Variants in ANKDD1B observed in about 807,000 individuals in gnomAD.
The protein encoded by ANKDD1B is ankyrin repeat and death domain containing 1B.
In ANKDD1B, 57 loss-of-function variants were observed where a neutral mutation model predicts 59.7. That is an observed-to-expected ratio of 0.95 (90% CI 0.77 to 1.19). ANKDD1B has a LOEUF of 1.19. Among genes scored for constraint, ANKDD1B ranks in the 50% most tolerant of loss-of-function variants. The pLI, the probability that ANKDD1B is intolerant of heterozygous loss-of-function variation, is 0.00. For synonymous variants in ANKDD1B, 216 were observed against 239.5 expected (o/e 0.90, Z 0.91); for missense variants, 602 against 641.9 (o/e 0.94, Z 0.67).
chr5:75,615,738 A>G (rs1773700818), intron 1 of ANKDD1B, among the ~76,000 whole-genome samples: 1 of 151,442 alleles, frequency 6.6e-6, no homozygotes, highest in Non-Finnish European at 1.5e-5. Context: ...ACCAATCATT[A>G]TCAGATTGGA....
intron 10 of ANKDD1B, among the ~76,000 whole-genome samples, chr5:75,662,836 T>A (rs1775196311): frequency 6.6e-6 from 1 of 152,110 alleles, no homozygotes; most frequent in South Asian, 2.1e-4. Flanking sequence ...CAGTATGGTA[T>A]AATAGAAAAA....
Position 75,625,651 on chromosome 5 carries a change from G to A in ANKDD1B, c.401G>A (p.Gly134Asp). Residue 134 changes from glycine (G) to aspartate (D), a missense_variant, in exon 4 of 14, where the codon GGC becomes GAC. By Grantham distance (94) the Gly-to-Asp change is moderately conservative (BLOSUM62 -1). Coordinates refer to ENST00000601380, the MANE Select transcript of ANKDD1B (RefSeq NM_001276713.2). ...KARVDVADKH[G>D]LTVIHLAAWS... is the part of the protein sequence containing the mutation. ...TTTTCTGTCTTCTTGGGGAAGCACG[G>A]CTTGACAGTAATTCACCTTGCAGCC... 6.5e-7 allele frequency: 1 copy of A among 1,536,138 alleles called. No homozygotes were observed. Among genetic ancestry groups the A allele is most frequent in the Non-Finnish European group, 8.7e-7 (1 of 1,146,834 alleles).
chr5:75,652,458 T>G (rs907358777), intron 7 of ANKDD1B, among the ~76,000 whole-genome samples: 1 of 152,208 alleles, frequency 6.6e-6, no homozygotes, highest in African/African-American at 2.4e-5. Context: ...TTTATTTATT[T>G]AGAAACTGGG....
chr5:75,623,465 G>A (rs1773910337), intron 3 of ANKDD1B, among the ~76,000 whole-genome samples: 1 of 152,120 alleles, frequency 6.6e-6, no homozygotes, highest in Non-Finnish European at 1.5e-5. Context: ...TAGGGAACAT[G>A]TTTTGAAGAA....
intron 7 of ANKDD1B, among the ~76,000 whole-genome samples, chr5:75,651,158 C>A (rs1396170074): frequency 6.6e-6 from 1 of 152,046 alleles, no homozygotes; most frequent in Non-Finnish European, 1.5e-5. Flanking sequence ...CAGGGTCGAC[C>A]CAGATTCAAG....
chr5:75,634,328 T>G (rs1339336429), intron 5 of ANKDD1B, among the ~76,000 whole-genome samples: 1 of 152,238 alleles, frequency 6.6e-6, no homozygotes, highest in Non-Finnish European at 1.5e-5. Context: ...ATTTCTTGAT[T>G]CCATTTTGTA....
At chr5:75,634,547 A>G (rs1360161734) in intron 5 of ANKDD1B, 1 of 177,062 alleles carries the variant, frequency 5.6e-6, no homozygotes, top group African/African-American at 2.3e-5. Flanking sequence ...TTCTCAGTAA[A>G]TGGTGAAATA....
In ANKDD1B at chr5:75,634,947, T is replaced by C; in HGVS notation, c.650T>C (p.Met217Thr). 6.5e-7 allele frequency: 1 copy of C among 1,535,870 alleles called. No homozygotes were observed. The highest frequency in any genetic ancestry group is 2.4e-5 in the East Asian group (1 of 40,914). Residue 217 changes from methionine to threonine, a missense_variant, in exon 6 of 14, where the codon ATG becomes ACG. Physicochemically the swap from Met to Thr is moderately conservative, Grantham distance 81. Coordinates refer to ENST00000601380, the MANE Select transcript of ANKDD1B (RefSeq NM_001276713.2). ...GCAGCTGAGAGGGGCCATGTTGAAATGATAGAAAAACTTACCTTCCTAAAC... is the reference window on the plus strand; with the variant it reads ...GCAGCTGAGAGGGGCCATGTTGAAACGATAGAAAAACTTACCTTCCTAAAC... ...LLAAERGHVE[M>T]IEKLTFLNLH...
At chr5:75,666,026 G>A (rs1775297116) in intron 11 of ANKDD1B, among the ~76,000 whole-genome samples, 1 of 152,158 alleles carries the variant, frequency 6.6e-6, no homozygotes, top group South Asian at 2.1e-4. Flanking sequence ...TTACCTGGAG[G>A]CCTAGTGGCA....
intron 5 of ANKDD1B, among the ~76,000 whole-genome samples, chr5:75,633,378 T>C (rs1421800209): frequency 2.0e-5 from 3 of 152,226 alleles, no homozygotes; most frequent in South Asian, 2.1e-4. Context: ...CTGATCTTTA[T>C]AGATTTGTTT....
intron 7 of ANKDD1B, 130 bp downstream of exon 7, chr5:75,636,012 T>A (rs1349897619): frequency 1.8e-6 from 1 of 545,352 alleles, no homozygotes; most frequent in Non-Finnish European, 3.2e-6. Context: ...TGCTGAAAGA[T>A]TCTTACTTTA....
At chr5:75,612,945 G>A (rs1773609738) in intron 1 of ANKDD1B, among the ~76,000 whole-genome samples, 1 of 152,148 alleles carries the variant, frequency 6.6e-6, no homozygotes, top group South Asian at 2.1e-4. Context: ...TCAAGCAAAG[G>A]AAAAAGAGCC....
chr5:75,620,803 G>A (rs1226644438), intron 3 of ANKDD1B, among the ~76,000 whole-genome samples: 1 of 152,100 alleles, frequency 6.6e-6, no homozygotes, highest in African/African-American at 2.4e-5. Flanking sequence ...ACAGCTCAGG[G>A]GTAAGCCCAG....
In ANKDD1B at chr5:75,624,681, C is replaced by G. The variant is rs560959128; in HGVS notation, c.397-966C>G. Among the ~76,000 whole-genome samples the G allele has an allele frequency of 2.0e-5, 3 of 152,210 alleles. No homozygotes were observed. The South Asian group carries it at 6.2e-4, about 32-fold the overall frequency. ...GTGTACCCTCTCCTCCTCTGGTAAC[C>G]ATACTTAACAATCTGAGATATGTGT... On this transcript the variant is annotated intron_variant, in intron 3 of 13. Transcript: ENST00000601380.
At chr5:75,649,622 T>C (rs1774773151) in intron 7 of ANKDD1B, among the ~76,000 whole-genome samples, 1 of 152,186 alleles carries the variant, frequency 6.6e-6, no homozygotes, top group South Asian at 2.1e-4. Flanking sequence ...TTGTTTCTGC[T>C]TTAGGTGGCT....
chr5:75,647,768 C>CTA (rs1256797515), intron 7 of ANKDD1B, among the ~76,000 whole-genome samples: 1 of 134,148 alleles, frequency 7.5e-6, no homozygotes, highest in African/African-American at 3.5e-5. Flanking sequence ...ACCCAAATGA[C>CTA]TATAAATCAT....
intron 1 of ANKDD1B, among the ~76,000 whole-genome samples, chr5:75,614,000 G>A (rs549545664): frequency 5.3e-5 from 8 of 152,242 alleles, no homozygotes; most frequent in African/African-American, 1.9e-4. Context: ...CGTGTAGCAT[G>A]TCCAAAATAA....
At chr5:75,656,708 C>T (rs1774988553) in intron 9 of ANKDD1B, among the ~76,000 whole-genome samples, 1 of 151,868 alleles carries the variant, frequency 6.6e-6, no homozygotes, top group South Asian at 2.1e-4. Flanking sequence ...AGCCTGCTCT[C>T]TGGGGCTCTT....
At chr5:75,629,632 T>C (rs1774093799) in intron 5 of ANKDD1B, among the ~76,000 whole-genome samples, 1 of 151,868 alleles carries the variant, frequency 6.6e-6, no homozygotes, top group Admixed American at 6.6e-5. Flanking sequence ...TTAAATGCAT[T>C]GAGTTAAAAC....
Sources: allele counts gnomAD v4.1 joint callset (sites outside exome capture counted in the v4.1 genomes callset), GRCh38; gene constraint gnomAD v4.1.1; transcripts MANE v1.5; gene names NCBI Gene and HGNC (gene_info 2026-07-23, HGNC 2026-07-21).